OVCH2: variants seen among roughly 807,000 people sequenced by gnomAD.
OVCH2 encodes ovochymase 2.
In OVCH2, 88 loss-of-function variants were observed where a neutral mutation model predicts 73.7. The ratio of observed to expected loss-of-function variants is 1.19; its 90% CI spans 1.01 to 1.43. OVCH2 has a LOEUF of 1.43. Ranked by LOEUF, OVCH2 falls within the 40% of genes most tolerant of loss-of-function variation. The pLI, the probability that OVCH2 is intolerant of heterozygous loss-of-function variation, is 0.00. For synonymous variants in OVCH2, 265 were observed against 234.5 expected, an observed-to-expected ratio of 1.13 and a Z score of -1.19; for missense variants, 706 against 674.5, an observed-to-expected ratio of 1.05 and a Z score of -0.52.
At chr11:7,688,829 C>T (rs1458366740), downstream of OVCH2, among the ~76,000 whole-genome samples, 1 of 152,210 alleles carries the variant, frequency 6.6e-6, no homozygotes, top group African/African-American at 2.4e-5. Flanking sequence ...CCCAGAACTT[C>T]TCAATGCTCA....
At chr11:7,702,491 A>C (rs1180876060) in intron 3 of OVCH2, among the ~76,000 whole-genome samples, 162 bp from the exon 4 acceptor site, 2 of 152,184 alleles carry the variant, frequency 1.3e-5, no homozygotes, top group Non-Finnish European at 2.9e-5. Flanking sequence ...GTTAGAAAAA[A>C]ATGCAGAGAT....
chr11:7,702,107 G>A, intron 4 of OVCH2, 50 bp downstream of exon 4: 3 of 1,479,382 alleles, frequency 2.0e-6, no homozygotes, highest in South Asian at 1.2e-5. Context: ...TGGCACAGAG[G>A]TTATAGAGAA....
intron 10 of OVCH2, among the ~76,000 whole-genome samples, chr11:7,695,982 T>A (rs1404562481): frequency 6.6e-6 from 1 of 152,202 alleles, no homozygotes; most frequent in African/African-American, 2.4e-5. Flanking sequence ...CATTGCCAAA[T>A]GTGTCCTGAG....
chr11:7,688,322 T>C (rs7118417), downstream of OVCH2, among the ~76,000 whole-genome samples: 114,232 of 152,066 alleles, frequency 0.75, 43,043 homozygotes, highest in East Asian at 0.8. Context: ...CAGGCACACA[T>C]TAAATTCATC....
At chr11:7,691,424 T>C in intron 13 of OVCH2, 24 bp from the exon 14 acceptor site, 1 of 1,605,312 alleles carries the variant, frequency 6.2e-7, no homozygotes, top group Non-Finnish European at 8.5e-7. Flanking sequence ...AGCCCAGGCA[T>C]GACATTGTCA....
rs1856347247 is a variant in OVCH2 at position 7,696,884 on chromosome 11, G to A, written c.926-85C>T. 6 of 1,222,054 alleles carry A rather than the reference G, an allele frequency of 4.9e-6. No homozygotes were observed. The South Asian group carries it at 6.5e-5, about 13-fold the overall frequency. The allele number at this position is 1,222,054 out of a possible 1,614,324, so 75.7% of individuals were successfully genotyped here. On this transcript the variant is annotated intron_variant, in intron 8 of 15. Coordinates refer to ENST00000533663, the MANE Select transcript of OVCH2 (RefSeq NM_198185.7). The stretch of plus-strand genomic sequence containing the variant: ...CCCTCCAGAAGCTGCAAACACCATA[G>A]CCTCCTGGTTCTTCTTGATGTACTC...
At chr11:7,690,054 A>C (rs1856192842) in intron 14 of OVCH2, 41 bp from the exon 15 acceptor site, 1 of 1,334,674 alleles carries the variant, frequency 7.5e-7, no homozygotes, top group African/African-American at 1.5e-5. Context: ...TTCCACAAAG[A>C]CAGCCAGGGT....
intron 1 of OVCH2, chr11:7,705,430 T>G (rs1431189448): frequency 3.3e-5 from 5 of 152,236 alleles, no homozygotes; most frequent in Non-Finnish European, 5.9e-5. Flanking sequence ...AAGTAAGCAC[T>G]TAGAAACACT....
At chr11:7,680,017 G>A in the OVCH2 span, among the ~76,000 whole-genome samples, 1 of 151,308 alleles carries the variant, frequency 6.6e-6, no homozygotes, top group Non-Finnish European at 1.5e-5. Context: ...CTGTTCGACT[G>A]TGTTCTTCGG....
At position 7,691,961 on chromosome 11, in the gene OVCH2, C is replaced by T. The variant is rs1449300261; in HGVS notation, c.1448G>A (p.Gly483Glu). The T allele has an allele frequency of 1.3e-6, 2 of 1,576,310 alleles. No homozygotes were observed. The highest frequency in any genetic ancestry group is 1.7e-6 in the Non-Finnish European group (2 of 1,159,392). ...TGTCACATAGTCGGAAGTGCAGTCTCCACTTTCTTCTATTTCCAGACTCTG... is the reference window on the plus strand; with the variant it reads ...TGTCACATAGTCGGAAGTGCAGTCTTCACTTTCTTCTATTTCCAGACTCTG... ...SFQSLEIEESGDCTSDYVTVH... is the reference protein window; with the variant it reads ...SFQSLEIEESEDCTSDYVTVH... The change falls in exon 13 of 16, where the codon GGA becomes GAA. Residue 483 changes from glycine to glutamate, a missense_variant. Coordinates refer to ENST00000533663, the MANE Select transcript of OVCH2 (RefSeq NM_198185.7).
chr11:7,697,806 A>G (rs1856365162), intron 8 of OVCH2, among the ~76,000 whole-genome samples: 1 of 152,112 alleles, frequency 6.6e-6, no homozygotes, highest in South Asian at 2.1e-4. Context: ...TCATACGTCC[A>G]TGCATTTGTC....
intron 15 of OVCH2, 81 bp downstream of exon 15, chr11:7,689,841 GAA>G (rs1377273359): frequency 1.2e-6 from 1 of 840,054 alleles, no homozygotes; most frequent in Non-Finnish European, 1.9e-6. Flanking sequence ...GAGGAAGATG[GAA>G]TTAAATCCAT....
the OVCH2 span, among the ~76,000 whole-genome samples, chr11:7,683,872 G>A: frequency 6.6e-6 from 1 of 152,002 alleles, no homozygotes; most frequent in Admixed American, 6.6e-5. Flanking sequence ...CCTTTTCTCA[G>A]ATGTCTCTTT....
In OVCH2 at chr11:7,701,899, C is replaced by A. The variant is rs965698193; in HGVS notation, c.464-88G>T. The A allele has an allele frequency of 3.1e-5, 35 of 1,140,322 alleles. 1 individual carries two copies. In the Admixed American group the frequency reaches 7.0e-4, roughly 23 times the overall value. 70.6% of individuals were successfully genotyped at this position (1,140,322 alleles called of 1,614,324 possible). On this transcript the variant is annotated intron_variant, in intron 4 of 15. Coordinates refer to ENST00000533663, the MANE Select transcript of OVCH2 (RefSeq NM_198185.7). ...CACCACTTGGTATCCAGGTGGTCCCCTAAAGACCTCATGAGAGTTGTGATA... is the reference window on the plus strand; with the variant it reads ...CACCACTTGGTATCCAGGTGGTCCCATAAAGACCTCATGAGAGTTGTGATA...
Position 7,696,600 on chromosome 11 carries a change from A to G in OVCH2, c.1017-11T>C. 1 of 1,614,038 alleles carries G rather than the reference A, an allele frequency of 6.2e-7. No homozygotes were observed. Among genetic ancestry groups the G allele is most frequent in the Non-Finnish European group, 8.5e-7 (1 of 1,179,894 alleles). On this transcript the variant is annotated splice_polypyrimidine_tract_variant and intron_variant, in intron 9 of 15. Coordinates refer to ENST00000533663, the MANE Select transcript of OVCH2 (RefSeq NM_198185.7). ...GTCCAGACACACCGTCTGTAGGCAG[A>G]TCATGGAGAGGGCGTTATTTCTAGA...
In OVCH2 at chr11:7,691,945, G is replaced by A. The variant is rs74054133; in HGVS notation, c.1464C>T (p.Asp488=). The change falls in exon 13 of 16, where the codon GAC becomes GAT. Residue 488 remains aspartate (D), a synonymous_variant. Transcript: ENST00000533663. The stretch of plus-strand genomic sequence containing the variant: ...CTACATCGCTGTGCACTGTCACATA[G>A]TCGGAAGTGCAGTCTCCACTTTCTT... ...EIEESGDCTS[D]YVTVHSDVER... The A allele has an allele frequency of 0.079, 124,210 of 1,577,520 alleles. 5,996 individuals carry two copies. The highest frequency in any genetic ancestry group is 0.22 in the African/African-American group (16,191 of 74,370).
chr11:7,701,656 C>A, intron 5 of OVCH2, 60 bp downstream of exon 5: 1 of 1,528,982 alleles, frequency 6.5e-7, no homozygotes, highest in South Asian at 1.2e-5. Context: ...ATTCCATTTT[C>A]TGATTGCCCA....
At chr11:7,688,617 G>T (rs1289233735), downstream of OVCH2, among the ~76,000 whole-genome samples, 1 of 152,014 alleles carries the variant, frequency 6.6e-6, no homozygotes, top group East Asian at 1.9e-4. Context: ...TGTCCTATGT[G>T]TCCGAAAATT....
Position 7,698,782 on chromosome 11 carries a change from G to A in OVCH2, c.902-9C>T, listed in dbSNP as rs566885018. 10 of 1,612,572 alleles carry A rather than the reference G, an allele frequency of 6.2e-6. No homozygotes were observed. The East Asian group carries it at 6.7e-5, about 11-fold the overall frequency. On this transcript the variant is annotated splice_polypyrimidine_tract_variant and intron_variant, in intron 7 of 15. Transcript: ENST00000533663. ...GCTCTTTCTCCGATTACCTGGGAAA[G>A]GAAAAGAAGGATGCAATTGAAAGCC... is the stretch of plus-strand genomic sequence containing the variant.
Sources: allele counts gnomAD v4.1 joint callset (sites outside exome capture counted in the v4.1 genomes callset), GRCh38; gene constraint gnomAD v4.1.1; transcripts MANE v1.5; gene names NCBI Gene and HGNC (gene_info 2026-07-23, HGNC 2026-07-21).